Variants in CARD14 observed in about 807,000 individuals in gnomAD.
The protein encoded by CARD14 is caspase recruitment domain family member 14.
In CARD14, 107 loss-of-function variants were observed where a neutral mutation model predicts 111.5. The observed-to-expected ratio is 0.96, with a 90% CI of 0.82 to 1.13. The LOEUF is 1.13. CARD14 is among the 50% of genes most tolerant of loss of function. The pLI is 0.00. For missense variants in CARD14, 1,322 were observed against 1,362.3 expected (o/e 0.97, Z 0.47); for synonymous variants, 617 against 579.6 (o/e 1.06, Z -0.93).
In CARD14 at chr17:80,189,591, G is replaced by C. The variant is rs1328062889; in HGVS notation, c.844-162G>C. On this transcript the variant is annotated intron_variant, in intron 8 of 23. Transcript: ENST00000648509. This position sits in a 1 kb window ranked among gnomAD's most constrained non-coding sequence, Gnocchi z 4.7. ...ATCTGCACTTTTCCCAGGCATGATG[G>C]GTGGCTTTTCCGTGGCTTCTCTCCT... Among the ~76,000 whole-genome samples, 2 of 152,150 alleles carry C rather than the reference G, an allele frequency of 1.3e-5. No individual in the cohort carries two copies. The highest frequency in any genetic ancestry group is 4.8e-5 in the African/African-American group (2 of 41,428).
rs1456071556 is a variant in CARD14, at chr17:80,205,518, A to C, written c.2570-13A>C. The stretch of plus-strand genomic sequence containing the variant: ...AGCTGGTCTATGATGGCCCCGTCCA[A>C]TGTCACCTGTAGAGTACTTGAGCCA... On this transcript the variant is annotated splice_polypyrimidine_tract_variant and intron_variant, in intron 21 of 23. Coordinates refer to ENST00000648509, the MANE Select transcript of CARD14 (RefSeq NM_001366385.1). 3.2e-6 allele frequency: 5 copies of C among 1,581,752 alleles called. No homozygotes were observed. Among genetic ancestry groups the C allele is most frequent in the Admixed American group, 1.8e-5 (1 of 55,272 alleles).
At position 80,208,119 on chromosome 17, in the gene CARD14, C is replaced by CA. The variant is rs763555855; in HGVS notation, c.2808-19_2808-18insA. 2.4e-5 allele frequency: 36 copies of CA among 1,501,218 alleles called. No homozygotes were observed. Among genetic ancestry groups the CA allele is most frequent in the Non-Finnish European group, 2.6e-5 (29 of 1,115,078 alleles). 93.0% of individuals were successfully genotyped at this position (1,501,218 alleles called of 1,614,324 possible). A position where few individuals can be genotyped will look rare whatever the true frequency, so the allele number is the denominator to read the frequency against. ...TTGCTCTCCCCTGAGCCCGCCCCCC[C>CA]CAACTCTGGCCTGTGCAGGAAGGGC... On this transcript the variant is annotated intron_variant, in intron 23 of 23. Coordinates refer to ENST00000648509, the MANE Select transcript of CARD14 (RefSeq NM_001366385.1).
At chr17:80,207,685 A>G (rs1050018030) in intron 23 of CARD14, 2 of 163,554 alleles carry the variant, frequency 1.2e-5, no homozygotes, top group East Asian at 3.6e-4. Context: ...TAGCCTAGTC[A>G]CTGGAAAATG....
chr17:80,198,911 C>T lies in CARD14; in HGVS notation c.1851+320C>T, dbSNP rs1438095524. ...AGTAAAATACACGTGACATAAAATT[C>T]ACTATTTTAACCACTGGGGCATTTC... On this transcript the variant is annotated intron_variant, in intron 16 of 23. Transcript: ENST00000648509. This position sits in a 1 kb window ranked among gnomAD's most constrained non-coding sequence, Gnocchi z 7.5. 8.0e-7 allele frequency: 1 copy of T among 1,250,382 alleles called. No homozygotes were observed. The highest frequency in any genetic ancestry group is 1.5e-5 in the African/African-American group (1 of 64,776). The allele number at this position is 1,250,382 out of a possible 1,614,324, so 77.5% of individuals were successfully genotyped here.
rs1242318496 is a variant in CARD14 at position 80,201,106 on chromosome 17, T to C, written c.1852-638T>C. On this transcript the variant is annotated intron_variant, in intron 16 of 23. Coordinates refer to ENST00000648509, the MANE Select transcript of CARD14 (RefSeq NM_001366385.1). This position sits in a 1 kb window ranked among gnomAD's most constrained non-coding sequence, Gnocchi z 5.0. ...GAGGTAGTTCAAGCAACAGAGCCCC[T>C]TGACGATGTTCAGGGAGATAGTCCC... 1 of 153,028 alleles carries C rather than the reference T, an allele frequency of 6.5e-6. No individual in the cohort carries two copies. The highest frequency in any genetic ancestry group is 1.5e-5 in the Non-Finnish European group (1 of 68,660). 9.5% of individuals were successfully genotyped at this position (153,028 alleles called of 1,614,324 possible). A position where few individuals can be genotyped will look rare whatever the true frequency, so the allele number is the denominator to read the frequency against.
chr17:80,203,511 G>T lies in CARD14; in HGVS notation c.2220-311G>T. 1 of 318,164 alleles carries T rather than the reference G, an allele frequency of 3.1e-6. No individual in the cohort carries two copies. Among genetic ancestry groups the T allele is most frequent in the Non-Finnish European group, 5.8e-6 (1 of 173,772 alleles). 19.7% of individuals were successfully genotyped at this position (318,164 alleles called of 1,614,324 possible). ...AGGCTGCAGGCCAGGGACCCACCAT[G>T]AATATTGAGGTCCTGGAGTGGGGCC... On this transcript the variant is annotated intron_variant, in intron 18 of 23. Coordinates refer to ENST00000648509, the MANE Select transcript of CARD14 (RefSeq NM_001366385.1). This position sits in a 1 kb window ranked among gnomAD's most constrained non-coding sequence, Gnocchi z 4.6.
In CARD14 at chr17:80,207,127, T is replaced by G. The variant is rs201624992; in HGVS notation, c.2807+42T>G. 4 of 1,449,210 alleles carry G rather than the reference T, an allele frequency of 2.8e-6. No individual in the cohort carries two copies. In the East Asian group the frequency reaches 9.1e-5, roughly 33 times the overall value. 89.8% of individuals were successfully genotyped at this position (1,449,210 alleles called of 1,614,324 possible). A position where few individuals can be genotyped will look rare whatever the true frequency, so the allele number is the denominator to read the frequency against. On this transcript the variant is annotated intron_variant, in intron 23 of 23. Coordinates refer to ENST00000648509, the MANE Select transcript of CARD14 (RefSeq NM_001366385.1). ...GGCTGGGCAGGGGCTTCGAAGCGGC[T>G]CCTGGGCTCCCCCAAAGCCCACGGC...
In CARD14 at chr17:80,184,236, G is replaced by A. The variant is rs1248689474; in HGVS notation, c.673G>A (p.Glu225Lys). Reference protein sequence around the residue: ...AASRCRSLQEELYLLKQELQR... With the variant: ...AASRCRSLQEKLYLLKQELQR... The stretch of plus-strand genomic sequence containing the variant: ...CTCACGCTGCCGCAGCCTGCAGGAG[G>A]AGGTAGGGGGACACCCTGCACCCCG... Residue 225 changes from glutamate to lysine, a missense_variant and splice_region_variant, in exon 7 of 24, where the codon GAG becomes AAG. Transcript: ENST00000648509. The A allele has an allele frequency of 6.6e-7, 1 of 1,519,906 alleles. No individual in the cohort carries two copies. Among genetic ancestry groups the A allele is most frequent in the South Asian group, 1.3e-5 (1 of 78,800 alleles). The allele number at this position is 1,519,906 out of a possible 1,614,324, so 94.2% of individuals were successfully genotyped here.
At position 80,182,751 on chromosome 17, in the gene CARD14, A is replaced by G; in HGVS notation, c.310A>G (p.Thr104Ala). 6.2e-7 allele frequency: 1 copy of G among 1,614,164 alleles called. No individual in the cohort carries two copies. The highest frequency in any genetic ancestry group is 8.5e-7 in the Non-Finnish European group (1 of 1,180,024). The change falls in exon 6 of 24, where the codon ACC (threonine) becomes GCC (alanine). Residue 104 changes from threonine to alanine, a missense_variant. Coordinates refer to ENST00000648509, the MANE Select transcript of CARD14 (RefSeq NM_001366385.1). The surrounding 1 kb of genome is among the most constrained non-coding windows in gnomAD (Gnocchi z 4.7). ...CAACCCTGACGTCTACACCCTGGTCACCGGGCTGCAGCCTGATGTTGACTT... is the reference window on the plus strand; with the variant it reads ...CAACCCTGACGTCTACACCCTGGTCGCCGGGCTGCAGCCTGATGTTGACTT... Reference protein sequence around the residue: ...FHNPDVYTLVTGLQPDVDFSN... With the variant: ...FHNPDVYTLVAGLQPDVDFSN...
chr17:80,202,919 C>A (rs1231862599), intron 18 of CARD14: 1 of 164,844 alleles, frequency 6.1e-6, no homozygotes, highest in Non-Finnish European at 1.3e-5. Flanking sequence ...CAAGCAGGGA[C>A]AGCTGGTCAC....
At position 80,202,407 on chromosome 17, in the gene CARD14, C is replaced by T; in HGVS notation, c.2206C>T (p.Pro736Ser). 1 of 1,611,826 alleles carries T rather than the reference C, an allele frequency of 6.2e-7. No homozygotes were observed. The highest frequency in any genetic ancestry group is 8.5e-7 in the Non-Finnish European group (1 of 1,179,058). ...MKDTAAHGTI[P>S]NYSRAQQQLI... is the part of the protein sequence containing the mutation. ...GGATACTGCCGCGCACGGCACCATC[C>T]CCAACTACTCCAGGTGAGCAGCTGC... The change falls in exon 18 of 24, where the codon CCC becomes TCC. Residue 736 changes from proline to serine, a missense_variant. Coordinates refer to ENST00000648509, the MANE Select transcript of CARD14 (RefSeq NM_001366385.1).
In CARD14 at chr17:80,208,371, T is replaced by G. The variant is rs1275830177; in HGVS notation, c.*26T>G. On this transcript the variant is annotated 3_prime_UTR_variant, in exon 24 of 24. Transcript: ENST00000648509. ...TGCACCGTGCCCCTTCCCGGGACTG[T>G]GGGGGCTTCTGTGTGCCTGTTAATG... 1.2e-5 allele frequency: 18 copies of G among 1,541,030 alleles called. No individual in the cohort carries two copies. Among genetic ancestry groups the G allele is most frequent in the Non-Finnish European group, 1.5e-5 (17 of 1,135,896 alleles).
At chr17:80,206,124 A>G (rs960720735) in intron 22 of CARD14, among the ~76,000 whole-genome samples, 13 of 152,316 alleles carry the variant, frequency 8.5e-5, no homozygotes, top group African/African-American at 2.4e-4. Flanking sequence ...TGAAAAATCA[A>G]AGGGATGGAA....
rs761836544 is a variant in CARD14 at position 80,198,549 on chromosome 17, G to A, written c.1809G>A (p.Ala603=). ...IFIHRVTPGS[A]ADQMALRPGT... is the part of the protein sequence containing the mutation. ...TCCACCGGGTCACCCCGGGCTCGGCGGCGGACCAGATGGCCTTGCGCCCGG... is the reference window on the plus strand; with the variant it reads ...TCCACCGGGTCACCCCGGGCTCGGCAGCGGACCAGATGGCCTTGCGCCCGG... The change falls in exon 16 of 24, where the codon GCG becomes GCA. Residue 603 remains alanine (A), a synonymous_variant. Coordinates refer to ENST00000648509, the MANE Select transcript of CARD14 (RefSeq NM_001366385.1). The surrounding 1 kb of genome is among the most constrained non-coding windows in gnomAD (Gnocchi z 7.5). 32 of 1,613,010 alleles carry A rather than the reference G, an allele frequency of 2.0e-5. No individual in the cohort carries two copies. The highest frequency in any genetic ancestry group is 2.7e-5 in the African/African-American group (2 of 74,930).
intron 11 of CARD14, chr17:80,192,241 C>A (rs144502997): frequency 1.7e-5 from 6 of 362,708 alleles, no homozygotes; most frequent in African/African-American, 1.2e-4. Context: ...ATACATTATT[C>A]GTAAAACTAG....
At chr17:80,178,009 C>T (rs1041068146) in intron 2 of CARD14, among the ~76,000 whole-genome samples, 1 of 152,190 alleles carries the variant, frequency 6.6e-6, no homozygotes, top group Non-Finnish European at 1.5e-5. Context: ...CAGTGACACC[C>T]TGACTCGCAA....
chr17:80,176,517 A>G (rs1421317943), intron 2 of CARD14, among the ~76,000 whole-genome samples: 2 of 151,172 alleles, frequency 1.3e-5, no homozygotes, highest in Middle Eastern at 3.5e-3. Context: ...CTTCTAGTGT[A>G]TTCACAGATG....
In CARD14 at chr17:80,201,197, A is replaced by G. The variant is rs2040954650; in HGVS notation, c.1852-547A>G. On this transcript the variant is annotated intron_variant, in intron 16 of 23. Coordinates refer to ENST00000648509, the MANE Select transcript of CARD14 (RefSeq NM_001366385.1). This position sits in a 1 kb window ranked among gnomAD's most constrained non-coding sequence, Gnocchi z 5.0. ...ACACATCTTAATTTTTATTGTAAAA[A>G]TATCTACTCTCCTAAGCTTAGAACA... 6.5e-6 allele frequency: 1 copy of G among 154,476 alleles called. No individual in the cohort carries two copies. Among genetic ancestry groups the G allele is most frequent in the Non-Finnish European group, 1.4e-5 (1 of 69,484 alleles). 9.6% of individuals were successfully genotyped at this position (154,476 alleles called of 1,614,324 possible).
Position 80,209,331 on chromosome 17 carries a change from A to T in CARD14, c.*986A>T, listed in dbSNP as rs1401187003. 1 of 985,266 alleles carries T rather than the reference A, an allele frequency of 1.0e-6. No individual in the cohort carries two copies. Among genetic ancestry groups the T allele is most frequent in the Non-Finnish European group, 1.2e-6 (1 of 829,916 alleles). 61.0% of individuals were successfully genotyped at this position (985,266 alleles called of 1,614,324 possible). A position where few individuals can be genotyped will look rare whatever the true frequency, so the allele number is the denominator to read the frequency against. ...TACTAAAATAAAAAGCTTTTACAAT[A>T]GCTGGCCTGTGGCCTCCTCCAGCCC... On this transcript the variant is annotated 3_prime_UTR_variant, in exon 24 of 24. Transcript: ENST00000648509.
Sources: allele counts gnomAD v4.1 joint callset (sites outside exome capture counted in the v4.1 genomes callset), GRCh38; gene constraint gnomAD v4.1.1; non-coding constraint Gnocchi (gnomAD v3.1); transcripts MANE v1.5; gene names NCBI Gene and HGNC (gene_info 2026-07-23, HGNC 2026-07-21).